ZNF860: variants seen among roughly 807,000 people sequenced by gnomAD.
ZNF860 encodes the protein zinc finger protein 860.
For synonymous variants in ZNF860, 206 were observed against 248.9 expected, an observed-to-expected ratio of 0.83 and a Z score of 1.62; for missense variants, 641 against 759.2, an observed-to-expected ratio of 0.84 and a Z score of 1.83.
In ZNF860 at chr3:31,983,194, T is replaced by G. The variant is rs374591475; in HGVS notation, c.-421+1292T>G. Among the ~76,000 whole-genome samples, 8 of 152,342 alleles carry G rather than the reference T, an allele frequency of 5.3e-5. No individual in the cohort carries two copies. In the East Asian group the frequency reaches 5.8e-4, roughly 11 times the overall value. ...TGCCTAAGCTAACTTACTGATCATA[T>G]ATGAGTGTTCATTGAGTCCTGCATT... is the stretch of plus-strand genomic sequence containing the variant. On this transcript the variant is annotated intron_variant, in intron 1 of 1. Transcript: ENST00000360311.
chr3:32,004,046 T>C, the ZNF860 span, among the ~76,000 whole-genome samples: 1 of 152,180 alleles, frequency 6.6e-6, no homozygotes, highest in African/African-American at 2.4e-5. Context: ...ACCTGGTGTC[T>C]TCAACAAACT....
Position 31,990,398 on chromosome 3 carries a change from A to G in ZNF860, c.1319A>G (p.Tyr440Cys), listed in dbSNP as rs1433945089. The G allele has an allele frequency of 1.2e-6, 2 of 1,614,118 alleles. No homozygotes were observed. Among genetic ancestry groups the G allele is most frequent in the Non-Finnish European group, 1.7e-6 (2 of 1,179,956 alleles). Residue 440 changes from tyrosine (Y) to cysteine (C), a missense_variant, in exon 2 of 2, where the codon TAT becomes TGT. Transcript: ENST00000360311. ...GGCAAATTTTTTAGACGTCGTTCAT[A>G]TCTCGTAGTTCATTGGCGAACTCAT... Reference protein sequence around the residue: ...KCGKFFRRRSYLVVHWRTHTG... With the variant: ...KCGKFFRRRSCLVVHWRTHTG...
chr3:32,004,598 T>C, the ZNF860 span, among the ~76,000 whole-genome samples: 6 of 152,228 alleles, frequency 3.9e-5, no homozygotes, highest in Non-Finnish European at 8.8e-5. Flanking sequence ...TCTGCATTTT[T>C]CTAAGCTTTG....
chr3:32,002,872 A>T, the ZNF860 span, among the ~76,000 whole-genome samples: 1 of 143,676 alleles, frequency 7.0e-6, no homozygotes, highest in South Asian at 2.2e-4. Flanking sequence ...AGATTTTAAC[A>T]GTCCAAGCTA....
Position 31,990,261 on chromosome 3 carries a change from A to G in ZNF860, c.1182A>G (p.Ile394Met), listed in dbSNP as rs537469684. Reference sequence around the variant, plus strand: ...TTCACCATCAAGCAATCCATGGTATAGGGAAACTTTATAAATGTAATGATT... The same window carrying G: ...TTCACCATCAAGCAATCCATGGTATGGGGAAACTTTATAAATGTAATGATT... ...TLIHHQAIHGIGKLYKCNDCH... is the reference protein window; with the variant it reads ...TLIHHQAIHGMGKLYKCNDCH... The change falls in exon 2 of 2, where the codon ATA becomes ATG. Residue 394 changes from isoleucine to methionine, a missense_variant. Coordinates refer to ENST00000360311, the MANE Select transcript of ZNF860 (RefSeq NM_001137674.3). The G allele has an allele frequency of 6.2e-7, 1 of 1,614,130 alleles. No individual in the cohort carries two copies. The highest frequency in any genetic ancestry group is 1.7e-5 in the Admixed American group (1 of 60,020).
the ZNF860 span, among the ~76,000 whole-genome samples, chr3:32,002,233 T>C: frequency 6.6e-6 from 1 of 152,190 alleles, no homozygotes; most frequent in East Asian, 1.9e-4. Context: ...TATGATGAAT[T>C]GCTGTCCACT....
Position 31,990,015 on chromosome 3 carries a change from A to C in ZNF860, c.936A>C (p.Lys312Asn), listed in dbSNP as rs1699001779. Residue 312 changes from lysine (K) to asparagine (N), a missense_variant, in exon 2 of 2, where the codon AAA becomes AAC. Physicochemically the swap from Lys to Asn is moderately conservative, Grantham distance 94 (BLOSUM62 0). Transcript: ENST00000360311. ...ATCATAGACTTCATACTGGAGAGAAACCTTACAAATGTGAAGAATGTGACA... is the reference window on the plus strand; with the variant it reads ...ATCATAGACTTCATACTGGAGAGAACCCTTACAAATGTGAAGAATGTGACA... ...ASHHRLHTGE[K>N]PYKCEECDKV... 6.2e-7 allele frequency: 1 copy of C among 1,614,184 alleles called. No individual in the cohort carries two copies. The highest frequency in any genetic ancestry group is 8.5e-7 in the Non-Finnish European group (1 of 1,180,022).
chr3:31,991,012 T>A lies in ZNF860; in HGVS notation c.*34T>A. Reference sequence around the variant, plus strand: ...CCTTGCAAAACATCAGAAAATTCATTCCTGAGATAATTGTTCCAAATGCAA... The same window carrying A: ...CCTTGCAAAACATCAGAAAATTCATACCTGAGATAATTGTTCCAAATGCAA... On this transcript the variant is annotated 3_prime_UTR_variant, in exon 2 of 2. Transcript: ENST00000360311. 1 of 1,532,380 alleles carries A rather than the reference T, an allele frequency of 6.5e-7. No homozygotes were observed. The highest frequency in any genetic ancestry group is 1.3e-5 in the South Asian group (1 of 77,548). The allele number at this position is 1,532,380 out of a possible 1,614,324, so 94.9% of individuals were successfully genotyped here.
chr3:31,983,596 G>A (rs1422730669), intron 1 of ZNF860, among the ~76,000 whole-genome samples: 1 of 152,198 alleles, frequency 6.6e-6, no homozygotes, highest in African/African-American at 2.4e-5. Context: ...TGAAAGTAGA[G>A]GCTATATCAT....
chr3:32,003,520 A>G, the ZNF860 span, among the ~76,000 whole-genome samples: 6 of 152,216 alleles, frequency 3.9e-5, no homozygotes, highest in African/African-American at 1.4e-4. Flanking sequence ...GGAAAGGACA[A>G]GGACAACCAA....
At position 31,990,391 on chromosome 3, in the gene ZNF860, C is replaced by T. The variant is rs761303546; in HGVS notation, c.1312C>T (p.Arg438Cys). Residue 438 changes from arginine (R) to cysteine (C), a missense_variant, in exon 2 of 2, where the codon CGT becomes TGT. By Grantham distance (180) the Arg-to-Cys change is radical. Transcript: ENST00000360311. ...TAAATGTGGCAAATTTTTTAGACGT[C>T]GTTCATATCTCGTAGTTCATTGGCG... Reference protein sequence around the residue: ...CNKCGKFFRRRSYLVVHWRTH... With the variant: ...CNKCGKFFRRCSYLVVHWRTH... 2.9e-5 allele frequency: 47 copies of T among 1,613,694 alleles called. No homozygotes were observed. Among genetic ancestry groups the T allele is most frequent in the Middle Eastern group, 1.6e-4 (1 of 6,080 alleles).
chr3:31,994,526 ATGGATGG>A (rs1274793486), downstream of ZNF860, among the ~76,000 whole-genome samples: 144 of 152,158 alleles, frequency 9.5e-4, no homozygotes, highest in African/African-American at 3.4e-3. Flanking sequence ...GGATGGATGG[ATGGATGG>A]ATGGTCTGCC....
the ZNF860 span, among the ~76,000 whole-genome samples, chr3:31,999,588 C>G: frequency 1.3e-5 from 2 of 151,924 alleles, no homozygotes; most frequent in African/African-American, 4.8e-5. Flanking sequence ...CTCGAACTTC[C>G]TACCTCAGGT....
chr3:31,989,366 A>G lies in ZNF860; in HGVS notation c.287A>G (p.His96Arg), dbSNP rs957272078. ...ACATTAGAAAGACATGAAAGTCATC[A>G]CATTGGAGATTTTTGCTTCCAGAAA... ...TGTLERHESH[H>R]IGDFCFQKIG... Residue 96 changes from histidine to arginine, a missense_variant, in exon 2 of 2, where the codon CAC becomes CGC. Physicochemically the swap from His to Arg is conservative, Grantham distance 29. Transcript: ENST00000360311. 1.9e-6 allele frequency: 3 copies of G among 1,614,116 alleles called. No homozygotes were observed. In the African/African-American group the frequency reaches 4.0e-5, roughly 22 times the overall value.
chr3:31,993,370 G>A (rs542104287), downstream of ZNF860, among the ~76,000 whole-genome samples: 6 of 151,706 alleles, frequency 4.0e-5, no homozygotes, highest in East Asian at 3.9e-4. Context: ...CACCATGCCC[G>A]GCTAATTTTG....
At chr3:31,987,115 T>TAC (rs71628591) in intron 1 of ZNF860, among the ~76,000 whole-genome samples, 426 of 151,262 alleles carry the variant, frequency 2.8e-3, no homozygotes, top group African/African-American at 6.6e-3. Context: ...TGTATGTGTA[T>TAC]ACACACACAC....
chr3:31,985,221 A>G (rs747896692), intron 1 of ZNF860, among the ~76,000 whole-genome samples: 9 of 152,264 alleles, frequency 5.9e-5, no homozygotes, highest in Admixed American at 3.3e-4. Flanking sequence ...CCTGGGCAAC[A>G]GAGCAAGACT....
chr3:32,001,989 A>C, the ZNF860 span, among the ~76,000 whole-genome samples: 1 of 152,204 alleles, frequency 6.6e-6, no homozygotes, highest in Non-Finnish European at 1.5e-5. Flanking sequence ...ACACAGAAGT[A>C]AGACATTCAT....
Position 31,989,474 on chromosome 3 carries a change from A to G in ZNF860, c.395A>G (p.Lys132Arg). 6.2e-7 allele frequency: 1 copy of G among 1,614,236 alleles called. No individual in the cohort carries two copies. Among genetic ancestry groups the G allele is most frequent in the South Asian group, 1.1e-5 (1 of 91,084 alleles). Residue 132 changes from lysine (K) to arginine (R), a missense_variant, in exon 2 of 2, where the codon AAA (lysine) becomes AGA (arginine). Transcript: ENST00000360311. ...NSHEATMTQI[K>R]KLTGSTDRYD... ...CATGAAGCAACTATGACACAAATCA[A>G]AAAGTTGACTGGTAGCACCGACAGA...
Sources: gnomAD v4.1 joint callset for allele counts (sites outside exome capture counted in the v4.1 genomes callset) on GRCh38, gnomAD v4.1.1 for gene constraint, MANE v1.5 for transcripts, NCBI Gene and HGNC (gene_info 2026-07-23, HGNC 2026-07-21) for gene names.